Variants in IL37 observed in about 807,000 individuals in gnomAD.
IL37 encodes the protein interleukin 37.
Under a neutral mutation model 15.4 loss-of-function variants are expected in IL37, and 15 were observed. The observed-to-expected ratio is 0.98, with a 90% CI of 0.65 to 1.50. IL37 has a LOEUF of 1.50. Ranked by LOEUF, IL37 falls within the 40% of genes most tolerant of loss-of-function variation. IL37 has a pLI of 0.00. For synonymous variants in IL37, 98 were observed against 97.4 expected, an observed-to-expected ratio of 1.01 and a Z score of -0.03; for missense variants, 269 against 261.7, an observed-to-expected ratio of 1.03 and a Z score of -0.19.
chr2:112,916,910 A>G (rs1395527440), intron 3 of IL37, among the ~76,000 whole-genome samples: 1 of 152,190 alleles, frequency 6.6e-6, no homozygotes, highest in African/African-American at 2.4e-5. Flanking sequence ...ATTTGAATCT[A>G]TCTGTCCAAA....
intron 4 of IL37, 38 bp from the exon 5 acceptor site, chr2:112,917,597 T>C (rs1360603754): frequency 8.5e-6 from 13 of 1,529,192 alleles, no homozygotes; most frequent in Non-Finnish European, 1.1e-5. Flanking sequence ...CTTTCCCTGC[T>C]CTCAGAACCC....
chr2:112,913,810 T>G lies in IL37; in HGVS notation c.101T>G (p.Leu34Arg). 6.2e-7 allele frequency: 1 copy of G among 1,613,570 alleles called. No individual in the cohort carries two copies. Among genetic ancestry groups the G allele is most frequent in the Non-Finnish European group, 8.5e-7 (1 of 1,179,560 alleles). Reference protein sequence around the residue: ...CCLEDPAGSPLEPGPSLPTMN... With the variant: ...CCLEDPAGSPREPGPSLPTMN... The stretch of plus-strand genomic sequence containing the variant: ...ACTGCAGACCCGGCTGGAAGCCCCC[T>G]GGAACCAGGCCCAAGCCTCCCCACC... Residue 34 changes from leucine to arginine, a missense_variant, in exon 3 of 6, where the codon CTG (leucine) becomes CGG (arginine). By Grantham distance (102) the Leu-to-Arg change is moderately radical. Transcript: ENST00000263326.
rs370200669 is a variant in IL37 at position 112,916,425 on chromosome 2, G to A, written c.146-704G>A. 1.8e-3 allele frequency among the ~76,000 whole-genome samples: 275 copies of A among 152,230 alleles called. 3 individuals carry two copies. Among genetic ancestry groups the A allele is most frequent in the African/African-American group, 5.7e-3 (238 of 41,532 alleles). ...CCCAAATGAGTTGCTAGGAGCCCACGCCCTAAGAACCCTCTGAGCACTGTT... is the reference window on the plus strand; with the variant it reads ...CCCAAATGAGTTGCTAGGAGCCCACACCCTAAGAACCCTCTGAGCACTGTT... On this transcript the variant is annotated intron_variant, in intron 3 of 5. Transcript: ENST00000263326.
In IL37 at chr2:112,917,688, A is replaced by G. The variant is rs1182373399; in HGVS notation, c.319A>G (p.Ser107Gly). The change falls in exon 5 of 6, where the codon AGT becomes GGT. Residue 107 changes from serine (S) to glycine (G), a missense_variant. Physicochemically the swap from Ser to Gly is moderately conservative, Grantham distance 56 (BLOSUM62 0). Coordinates refer to ENST00000263326, the MANE Select transcript of IL37 (RefSeq NM_014439.4). ...GAGCTCAGCCTCTGCGGAGAAAGGA[A>G]GTCCGATTCTCCTGGGGGTCTCTAA... ...SLSSASAEKG[S>G]PILLGVSKGE... is the part of the protein sequence containing the mutation. 6.2e-7 allele frequency: 1 copy of G among 1,611,136 alleles called. No homozygotes were observed. The highest frequency in any genetic ancestry group is 1.3e-5 in the African/African-American group (1 of 74,814).
intron 1 of IL37, among the ~76,000 whole-genome samples, chr2:112,912,435 T>G (rs994550703): frequency 6.6e-6 from 1 of 152,206 alleles, no homozygotes. Flanking sequence ...CTGCTTTTTG[T>G]TAGGCAAAGA....
At chr2:112,917,344 C>A in intron 4 of IL37, 96 bp downstream of exon 4, 1 of 1,402,850 alleles carries the variant, frequency 7.1e-7, no homozygotes, top group Non-Finnish European at 9.8e-7. Context: ...CATGCCCCAT[C>A]TCCAGCAGGT....
chr2:112,913,777 T>G lies in IL37; in HGVS notation c.83-15T>G. ...TCCGAATTGCATATGCTAACCTCAC[T>G]GCGTCTGACTGCAGACCCGGCTGGA... On this transcript the variant is annotated splice_polypyrimidine_tract_variant and intron_variant, in intron 2 of 5. Coordinates refer to ENST00000263326, the MANE Select transcript of IL37 (RefSeq NM_014439.4). The G allele has an allele frequency of 6.2e-7, 1 of 1,612,104 alleles. No homozygotes were observed. Among genetic ancestry groups the G allele is most frequent in the Non-Finnish European group, 8.5e-7 (1 of 1,178,242 alleles).
intron 2 of IL37, among the ~76,000 whole-genome samples, 173 bp from the exon 3 acceptor site, chr2:112,913,619 C>A (rs1397669882): frequency 6.6e-6 from 1 of 152,218 alleles, no homozygotes; most frequent in African/African-American, 2.4e-5. Flanking sequence ...TGATCCAGTT[C>A]ATCTCTATTC....
At chr2:112,916,582 C>CCTCCCAACTCTTCCATCACCGCT (rs1683316361) in intron 3 of IL37, among the ~76,000 whole-genome samples, 1 of 152,162 alleles carries the variant, frequency 6.6e-6, no homozygotes, top group Non-Finnish European at 1.5e-5. Flanking sequence ...TGCCTCCAAC[C>CCTCCCAACTCTTCCATCACCGCT]CTCCCAACTC....
At position 112,918,838 on chromosome 2, in the gene IL37, C is replaced by G; in HGVS notation, c.*29C>G. The G allele has an allele frequency of 6.3e-7, 1 of 1,586,948 alleles. No individual in the cohort carries two copies. Among genetic ancestry groups the G allele is most frequent in the Non-Finnish European group, 8.6e-7 (1 of 1,163,694 alleles). On this transcript the variant is annotated 3_prime_UTR_variant, in exon 6 of 6. Coordinates refer to ENST00000263326, the MANE Select transcript of IL37 (RefSeq NM_014439.4). ...ACTGCCCCATTGAACGCCTTCCTCGCTAATTTGAACTAATTGTATAAAAAC... is the reference window on the plus strand; with the variant it reads ...ACTGCCCCATTGAACGCCTTCCTCGGTAATTTGAACTAATTGTATAAAAAC...
intron 3 of IL37, among the ~76,000 whole-genome samples, chr2:112,915,760 G>C (rs1410284821): frequency 3.3e-5 from 5 of 152,146 alleles, no homozygotes; most frequent in Non-Finnish European, 7.4e-5. Context: ...GATCTTGCCT[G>C]GGGCCAGTCA....
At chr2:112,918,348 AT>A (rs1390808221) in intron 5 of IL37, among the ~76,000 whole-genome samples, 3 of 150,112 alleles carry the variant, frequency 2.0e-5, no homozygotes, top group African/African-American at 7.4e-5. Flanking sequence ...TTTATTTTTA[AT>A]CTGGGGGACA....
Position 112,913,029 on chromosome 2 carries a change from A to G in IL37, c.17A>G (p.Glu6Gly). 1.3e-6 allele frequency: 2 copies of G among 1,578,644 alleles called. No homozygotes were observed. Among genetic ancestry groups the G allele is most frequent in the East Asian group, 2.4e-5 (1 of 42,408 alleles). ...ACGTTGAAAATGTCCTTTGTGGGGG[A>G]GAACTCAGGAGTGAAAATGGGCTCT... Reference protein sequence around the residue: MSFVGENSGVKMGSED... With the variant: MSFVGGNSGVKMGSED... Residue 6 changes from glutamate (E) to glycine (G), a missense_variant, in exon 2 of 6, where the codon GAG (glutamate) becomes GGG (glycine). Glu to Gly is a moderately conservative substitution (Grantham distance 98). Transcript: ENST00000263326.
intron 1 of IL37, among the ~76,000 whole-genome samples, chr2:112,912,316 C>G (rs1054395434): frequency 4.6e-5 from 7 of 152,176 alleles, no homozygotes; most frequent in African/African-American, 1.7e-4. Flanking sequence ...CCTCCAACCC[C>G]TCCCAATGAA....
Position 112,913,821 on chromosome 2 carries a change from C to G in IL37, c.112C>G (p.Pro38Ala). 1 of 1,613,646 alleles carries G rather than the reference C, an allele frequency of 6.2e-7. No individual in the cohort carries two copies. The highest frequency in any genetic ancestry group is 1.1e-5 in the South Asian group (1 of 91,054). The change falls in exon 3 of 6, where the codon CCA (proline) becomes GCA (alanine). Residue 38 changes from proline (P) to alanine (A), a missense_variant. Physicochemically the swap from Pro to Ala is conservative, Grantham distance 27 (BLOSUM62 -1). Transcript: ENST00000263326. The stretch of plus-strand genomic sequence containing the variant: ...GGCTGGAAGCCCCCTGGAACCAGGC[C>G]CAAGCCTCCCCACCATGAATTTTGT... The part of the protein sequence containing the change: ...DPAGSPLEPG[P>A]SLPTMNFVHT...
chr2:112,912,890 A>G (rs1683207227), intron 1 of IL37, 73 bp from the exon 2 acceptor site: 1 of 657,344 alleles, frequency 1.5e-6, no homozygotes, highest in Non-Finnish European at 2.6e-6. Flanking sequence ...TGGTCTGTTC[A>G]GCACTAGAGA....
At chr2:112,912,634 G>T (rs1029334972) in intron 1 of IL37, among the ~76,000 whole-genome samples, 1 of 152,180 alleles carries the variant, frequency 6.6e-6, no homozygotes, top group African/African-American at 2.4e-5. Flanking sequence ...AACAGTCAGG[G>T]ACCGGATTTG....
At chr2:112,917,889 G>A (rs1168097825) in intron 5 of IL37, 112 bp downstream of exon 5, 3 of 1,115,416 alleles carry the variant, frequency 2.7e-6, no homozygotes, top group African/African-American at 3.1e-5. Flanking sequence ...ATATAACAGG[G>A]ACATCCACCT....
chr2:112,917,909 C>A, intron 5 of IL37, 132 bp downstream of exon 5: 2 of 945,274 alleles, frequency 2.1e-6, no homozygotes, highest in Non-Finnish European at 3.2e-6. Context: ...TTTCTGGAAG[C>A]ACCAGGCAGA....
Sources: allele counts gnomAD v4.1 joint callset (sites outside exome capture counted in the v4.1 genomes callset), GRCh38; gene constraint gnomAD v4.1.1; transcripts MANE v1.5; gene names NCBI Gene and HGNC (gene_info 2026-07-23, HGNC 2026-07-21).